The following MRPL13 variants were observed in gnomAD, a reference collection of about 807,000 sequenced individuals.
MRPL13 encodes the protein mitochondrial ribosomal protein L13.
Under a neutral mutation model 29.0 loss-of-function variants are expected in MRPL13, and 33 were observed. The ratio of observed to expected loss-of-function variants is 1.14; its 90% confidence interval spans 0.86 to 1.52. The LOEUF (loss-of-function observed/expected upper bound fraction) is 1.52, where lower values mean the gene tolerates loss of function less well. Among genes scored for constraint, MRPL13 ranks in the 40% most tolerant of loss-of-function variants. MRPL13 has a pLI of 0.00. For synonymous variants in MRPL13, 77 were observed against 68.4 expected (o/e 1.13, Z -0.62); for missense variants, 227 against 216.7 (o/e 1.05, Z -0.30).
chr8:120,401,436 T>C (rs1343305417), intron 6 of MRPL13, among the ~76,000 whole-genome samples: 3 of 152,288 alleles, frequency 2.0e-5, no homozygotes, highest in African/African-American at 7.2e-5. Flanking sequence ...GAAAAAGCCT[T>C]TGATAAAATT....
intron 2 of MRPL13, among the ~76,000 whole-genome samples, chr8:120,438,904 A>C (rs1035013466): frequency 6.6e-6 from 1 of 152,214 alleles, no homozygotes. Context: ...TTCTATGACT[A>C]TTTTTCTGGT....
intron 6 of MRPL13, among the ~76,000 whole-genome samples, chr8:120,403,471 C>A (rs536530812): frequency 2.0e-5 from 3 of 151,744 alleles, no homozygotes; most frequent in Admixed American, 6.6e-5. Flanking sequence ...GGGGGAACAA[C>A]GCACAATGCA....
intron 2 of MRPL13, 53 bp from the exon 3 acceptor site, chr8:120,432,176 A>G: frequency 1.4e-6 from 2 of 1,395,558 alleles, no homozygotes; most frequent in Admixed American, 4.7e-5. Context: ...ACCTTAAGAA[A>G]AAGTGGCCTT....
Position 120,425,626 on chromosome 8 carries a change from T to C in MRPL13, c.246-260A>G, listed in dbSNP as rs565032060. 5.7e-4 allele frequency among the ~76,000 whole-genome samples: 87 copies of C among 152,318 alleles called. 1 individual carries two copies. The South Asian group carries it at 0.018, about 31-fold the overall frequency. ...ATATTTCTATCTGAATTGTAAGTTATTAATTCACTCACTCATTATGGGGTA... is the reference window on the plus strand; with the variant it reads ...ATATTTCTATCTGAATTGTAAGTTACTAATTCACTCACTCATTATGGGGTA... On this transcript the variant is annotated intron_variant, in intron 3 of 6. Coordinates refer to ENST00000306185, the MANE Select transcript of MRPL13 (RefSeq NM_014078.6).
intron 4 of MRPL13, among the ~76,000 whole-genome samples, chr8:120,424,505 C>T (rs1812909868): frequency 6.6e-6 from 1 of 152,000 alleles, no homozygotes; most frequent in South Asian, 2.1e-4. Flanking sequence ...GTGGCTCTCG[C>T]CTGTAATCCC....
intron 3 of MRPL13, among the ~76,000 whole-genome samples, chr8:120,429,668 T>C (rs1461922027): frequency 6.6e-6 from 1 of 152,138 alleles, no homozygotes; most frequent in African/African-American, 2.4e-5. Flanking sequence ...GAGAATTTTC[T>C]ATTAAGTGAA....
intron 2 of MRPL13, among the ~76,000 whole-genome samples, chr8:120,434,478 T>C (rs1813030933): frequency 6.6e-6 from 1 of 152,102 alleles, no homozygotes; most frequent in Non-Finnish European, 1.5e-5. Flanking sequence ...GGCTAATAAG[T>C]GGTAAAGTTA....
At chr8:120,409,258 C>A (rs1812714989) in intron 6 of MRPL13, among the ~76,000 whole-genome samples, 2 of 152,094 alleles carry the variant, frequency 1.3e-5, no homozygotes, top group Admixed American at 1.3e-4. Flanking sequence ...AAAAATAATG[C>A]AAAGCAATTC....
chr8:120,406,161 T>C (rs1235958243), intron 6 of MRPL13, among the ~76,000 whole-genome samples: 1 of 152,232 alleles, frequency 6.6e-6, no homozygotes, highest in Non-Finnish European at 1.5e-5. Context: ...TGTCAATTTT[T>C]TTCATATAAA....
At chr8:120,429,513 CAAG>C (rs1023446320) in intron 3 of MRPL13, among the ~76,000 whole-genome samples, 2 of 147,682 alleles carry the variant, frequency 1.4e-5, no homozygotes, top group African/African-American at 2.5e-5. Flanking sequence ...AAACAAAAAA[CAAG>C]AATTGAAAAA....
intron 6 of MRPL13, among the ~76,000 whole-genome samples, chr8:120,400,183 T>A (rs1418346477): frequency 1.3e-5 from 2 of 152,334 alleles, no homozygotes; most frequent in East Asian, 1.9e-4. Flanking sequence ...AGAACATACA[T>A]TCTTCTCATT....
intron 4 of MRPL13, 91 bp from the exon 5 acceptor site, chr8:120,420,029 GT>G (rs1300799004): frequency 1.0e-5 from 8 of 798,036 alleles, no homozygotes; most frequent in Non-Finnish European, 1.4e-5. Flanking sequence ...AAAATGAGGG[GT>G]TTAGATTCAA....
At chr8:120,424,692 G>A (rs761239036) in intron 4 of MRPL13, among the ~76,000 whole-genome samples, 12 of 152,130 alleles carry the variant, frequency 7.9e-5, no homozygotes, top group Non-Finnish European at 1.8e-4. Flanking sequence ...CTTGAGCCCA[G>A]GAGTTTGAGG....
intron 3 of MRPL13, among the ~76,000 whole-genome samples, chr8:120,426,285 G>A (rs1024955225): frequency 6.6e-6 from 1 of 152,022 alleles, no homozygotes; most frequent in African/African-American, 2.4e-5. Flanking sequence ...TTACCTAAAG[G>A]TGATTTTTTC....
chr8:120,435,248 T>C (rs759981614), intron 2 of MRPL13, among the ~76,000 whole-genome samples: 1 of 152,144 alleles, frequency 6.6e-6, no homozygotes. Flanking sequence ...CAGGGGTAAA[T>C]GTACAGGTGT....
intron 2 of MRPL13, among the ~76,000 whole-genome samples, chr8:120,434,173 G>A (rs1813027140): frequency 6.6e-6 from 1 of 151,992 alleles, no homozygotes; most frequent in African/African-American, 2.4e-5. Flanking sequence ...ACCATCAGGG[G>A]CAGCTCTTAG....
intron 6 of MRPL13, among the ~76,000 whole-genome samples, chr8:120,408,103 C>A (rs955452922): frequency 6.6e-6 from 1 of 152,180 alleles, no homozygotes; most frequent in Admixed American, 6.5e-5. Flanking sequence ...CACTGTAGCA[C>A]CATCCTGATC....
intron 4 of MRPL13, among the ~76,000 whole-genome samples, chr8:120,420,674 G>C (rs1812862248): frequency 6.6e-6 from 1 of 151,554 alleles, no homozygotes; most frequent in Non-Finnish European, 1.5e-5. Flanking sequence ...CACTGATTTA[G>C]TTATTAGCAC....
chr8:120,425,468 C>T (rs540382714), intron 3 of MRPL13, 102 bp from the exon 4 acceptor site: 3 of 804,954 alleles, frequency 3.7e-6, no homozygotes, highest in East Asian at 2.8e-5. Context: ...AATTGTTTCT[C>T]GAAACTGCTT....
Sources: gnomAD v4.1 joint callset for allele counts (sites outside exome capture counted in the v4.1 genomes callset) on GRCh38, gnomAD v4.1.1 for gene constraint, MANE v1.5 for transcripts, NCBI Gene and HGNC (gene_info 2026-07-23, HGNC 2026-07-21) for gene names.